The following ABCC4 variants were observed in gnomAD, a reference collection of about 807,000 sequenced individuals.
ABCC4 encodes ATP binding cassette subfamily C member 4 (PEL blood group).
Under a neutral mutation model 168.5 loss-of-function variants are expected in ABCC4, and 102 were observed. The observed-to-expected ratio is 0.61, with a 90% CI of 0.52 to 0.71. The LOEUF (loss-of-function observed/expected upper bound fraction) is 0.71. ABCC4 is among the 30% of genes least tolerant of loss of function. ABCC4 has a pLI of 0.00. For missense variants in ABCC4, 1,402 were observed against 1,605.8 expected (o/e 0.87, Z 2.17); for synonymous variants, 617 against 590.7 (o/e 1.04, Z -0.65).
intron 30 of ABCC4, among the ~76,000 whole-genome samples, chr13:95,030,610 G>T (rs2031835672): frequency 6.6e-6 from 1 of 152,192 alleles, no homozygotes; most frequent in Non-Finnish European, 1.5e-5. Context: ...TGTCCTTAGA[G>T]AAAGAGGTGA....
intron 8 of ABCC4, among the ~76,000 whole-genome samples, chr13:95,201,081 T>C (rs1260200785): frequency 1.3e-5 from 2 of 152,132 alleles, no homozygotes; most frequent in Non-Finnish European, 2.9e-5. Flanking sequence ...CACCAGAAAC[T>C]ATGTACATGA....
At chr13:95,065,187 A>C (rs1355682340) in intron 25 of ABCC4, among the ~76,000 whole-genome samples, 2 of 152,194 alleles carry the variant, frequency 1.3e-5, no homozygotes, top group Non-Finnish European at 2.9e-5. Context: ...CTCAACTCCA[A>C]GCACTAAAAA....
In ABCC4 at chr13:95,296,167, CACACACACACACACACAA is replaced by C. The variant is rs370727961; in HGVS notation, c.74+5056_74+5073del. 7.6e-4 allele frequency among the ~76,000 whole-genome samples: 74 copies of C among 97,766 alleles called. 1 individual carries two copies. Among genetic ancestry groups the C allele is most frequent in the Admixed American group, 3.3e-3 (24 of 7,278 alleles). The allele number at this position is 97,766 out of a possible 152,430, so 64.1% of individuals were successfully genotyped here. A position where few individuals can be genotyped will look rare whatever the true frequency, so the allele number is the denominator to read the frequency against. On this transcript the variant is annotated intron_variant, in intron 1 of 30. Transcript: ENST00000645237. ...ACACACACACACACACACACACACA[CACACACACACACACACAA>C]AAACACAAAATTAAATGGCCAGGAA...
At chr13:95,060,572 C>T (rs1379790789) in intron 26 of ABCC4, among the ~76,000 whole-genome samples, 2 of 152,172 alleles carry the variant, frequency 1.3e-5, no homozygotes, top group African/African-American at 4.8e-5. Flanking sequence ...TTGAGATGGG[C>T]ATAACCAAAA....
chr13:95,144,497 A>T (rs2036422813), intron 19 of ABCC4, among the ~76,000 whole-genome samples: 1 of 152,082 alleles, frequency 6.6e-6, no homozygotes, highest in South Asian at 2.1e-4. Flanking sequence ...TACCTGGAAA[A>T]CCCCATATTC....
At chr13:95,199,729 C>T (rs2038569884) in intron 8 of ABCC4, among the ~76,000 whole-genome samples, 3 of 152,136 alleles carry the variant, frequency 2.0e-5, no homozygotes, top group Non-Finnish European at 4.4e-5. Flanking sequence ...ACGTATCTCC[C>T]TGCCTCTACT....
intron 19 of ABCC4, among the ~76,000 whole-genome samples, chr13:95,126,935 T>C (rs5023599): frequency 0.51 from 75,007 of 148,118 alleles, 19,608 homozygotes; most frequent in South Asian, 0.7. Flanking sequence ...AATTTAACCA[T>C]TGAATTTCTT....
chr13:95,166,398 T>C, intron 14 of ABCC4, 31 bp from the exon 15 acceptor site: 1 of 1,558,518 alleles, frequency 6.4e-7, no homozygotes, highest in Non-Finnish European at 8.8e-7. Context: ...TTCAGAGAGA[T>C]ACATGTGCAG....
At chr13:95,068,244 C>T (rs1157412872) in intron 25 of ABCC4, among the ~76,000 whole-genome samples, 1 of 152,134 alleles carries the variant, frequency 6.6e-6, no homozygotes, top group Non-Finnish European at 1.5e-5. Context: ...AATATACACA[C>T]AAAAAGTGGA....
At chr13:95,075,213 GC>G (rs1387106929) in intron 22 of ABCC4, 5 of 559,342 alleles carry the variant, frequency 8.9e-6, no homozygotes, top group Non-Finnish European at 1.6e-5. Flanking sequence ...GACCCCACAA[GC>G]CAGTCAGGGG....
At chr13:95,273,006 T>C (rs11839316) in intron 1 of ABCC4, among the ~76,000 whole-genome samples, 1,761 of 152,278 alleles carry the variant, frequency 0.012, 36 homozygotes, top group East Asian at 0.086. Context: ...AATGACTTTA[T>C]ATGACAAGAA....
At position 95,181,923 on chromosome 13, in the gene ABCC4, C is replaced by G. The variant is rs146796683; in HGVS notation, c.1546-3832G>C. On this transcript the variant is annotated intron_variant, in intron 11 of 30. Coordinates refer to ENST00000645237, the MANE Select transcript of ABCC4 (RefSeq NM_005845.5). ...CAGCACTATCAGTTCATTTAGTCAC[C>G]CTAGTTAGATTCACCTCATTGTATC... 1.8e-4 allele frequency among the ~76,000 whole-genome samples: 27 copies of G among 152,094 alleles called. No homozygotes were observed. In the East Asian group the frequency reaches 4.1e-3, roughly 23 times the overall value.
chr13:95,080,467 G>A (rs1052924792), intron 21 of ABCC4, among the ~76,000 whole-genome samples: 5 of 151,818 alleles, frequency 3.3e-5, no homozygotes, highest in East Asian at 1.9e-4. Flanking sequence ...GTGCAATCTC[G>A]GCTCACCTCA....
At chr13:95,139,430 A>G (rs1037185685) in intron 19 of ABCC4, among the ~76,000 whole-genome samples, 9 of 152,180 alleles carry the variant, frequency 5.9e-5, no homozygotes, top group Non-Finnish European at 8.8e-5. Flanking sequence ...GGCAGCTGTA[A>G]CCCAGAAACT....
chr13:95,271,481 T>C (rs1031517321), intron 1 of ABCC4, among the ~76,000 whole-genome samples: 3 of 152,174 alleles, frequency 2.0e-5, no homozygotes, highest in African/African-American at 7.2e-5. Context: ...ACAGAGGTTG[T>C]TTATTCTCTA....
intron 26 of ABCC4, among the ~76,000 whole-genome samples, 175 bp from the exon 27 acceptor site, chr13:95,053,359 C>T (rs1466857056): frequency 1.3e-5 from 2 of 152,180 alleles, no homozygotes; most frequent in Non-Finnish European, 1.5e-5. Flanking sequence ...CTGTACAAAG[C>T]GTGCTCCAAA....
At chr13:95,285,892 T>C (rs2041244128) in intron 1 of ABCC4, among the ~76,000 whole-genome samples, 1 of 152,124 alleles carries the variant, frequency 6.6e-6, no homozygotes. Context: ...TGCAGTGTAT[T>C]GACTGGGTTG....
chr13:95,236,909 G>C (rs911759753), intron 3 of ABCC4, among the ~76,000 whole-genome samples: 4 of 152,174 alleles, frequency 2.6e-5, no homozygotes, highest in Non-Finnish European at 4.4e-5. Flanking sequence ...CGGCCAAACT[G>C]TACACATGGG....
intron 8 of ABCC4, 129 bp downstream of exon 8, chr13:95,206,403 G>T: frequency 8.1e-7 from 1 of 1,239,312 alleles, no homozygotes; most frequent in Non-Finnish European, 1.1e-6. Context: ...CAACATTCTG[G>T]AATGGCGGCA....
Sources: allele counts gnomAD v4.1 joint callset (sites outside exome capture counted in the v4.1 genomes callset), GRCh38; gene constraint gnomAD v4.1.1; transcripts MANE v1.5; gene names NCBI Gene and HGNC (gene_info 2026-07-23, HGNC 2026-07-21).